Variants in RAP1GDS1 observed in about 807,000 individuals in gnomAD.
RAP1GDS1 encodes RAP1, GTP-GDP dissociation stimulator 1.
RAP1GDS1 carries 35 observed loss-of-function variants against 71.1 expected under a neutral mutation model. The ratio of observed to expected loss-of-function variants is 0.49; its 90% CI spans 0.38 to 0.65. The LOEUF (loss-of-function observed/expected upper bound fraction) is 0.65. Among genes scored for constraint, RAP1GDS1 ranks in the 30% least tolerant of loss-of-function variants. The pLI is 0.00. For synonymous variants in RAP1GDS1, 229 were observed against 243.1 expected, an observed-to-expected ratio of 0.94 and a Z score of 0.54; for missense variants, 663 against 706.1, an observed-to-expected ratio of 0.94 and a Z score of 0.69.
chr4:98,366,402 T>C (rs528991421), intron 4 of RAP1GDS1, among the ~76,000 whole-genome samples: 10 of 152,292 alleles, frequency 6.6e-5, no homozygotes, highest in Admixed American at 3.3e-4. Context: ...CTTTTGTAAA[T>C]TGCTCAGTCT....
rs137928033 is a variant in RAP1GDS1 at position 98,363,255 on chromosome 4, A to G, written c.361+10654A>G. ...GTAATCCCAGAATTTTGGGATGGCA[A>G]GGCTCAAGGGCTGCTTGAGGCCAGG... On this transcript the variant is annotated intron_variant, in intron 4 of 14. Transcript: ENST00000408927. 3.0e-3 allele frequency among the ~76,000 whole-genome samples: 450 copies of G among 152,128 alleles called. 1 individual carries two copies. Among genetic ancestry groups the G allele is most frequent in the Non-Finnish European group, 5.6e-3 (379 of 67,998 alleles).
Position 98,443,025 on chromosome 4 carries a change from T to TTTTTTC in RAP1GDS1, c.*913_*914insCTTTTT, listed in dbSNP as rs1752079606. ...TCATTGAAGAATGGAATTTTTTTTTTTTTTTTTTTTTTTGCTGTTTTTCAT... is the reference window on the plus strand; with the variant it reads ...TCATTGAAGAATGGAATTTTTTTTTTTTTTTCTTTTTTTTTTTTTGCTGTTTTTCAT... On this transcript the variant is annotated 3_prime_UTR_variant, in exon 15 of 15. Transcript: ENST00000408927. The TTTTTTC allele has an allele frequency of 5.8e-6, 1 of 172,674 alleles. No individual in the cohort carries two copies. Among genetic ancestry groups the TTTTTTC allele is most frequent in the African/African-American group, 4.2e-5 (1 of 23,576 alleles). 10.7% of individuals were successfully genotyped at this position (172,674 alleles called of 1,614,324 possible).
intron 14 of RAP1GDS1, among the ~76,000 whole-genome samples, chr4:98,437,649 C>A (rs932164588): frequency 2.6e-5 from 4 of 151,882 alleles, no homozygotes; most frequent in Non-Finnish European, 5.9e-5. Context: ...AAAAATTAGC[C>A]GGGAGTGGTG....
At chr4:98,336,734 A>T (rs976478519) in intron 2 of RAP1GDS1, among the ~76,000 whole-genome samples, 3 of 150,710 alleles carry the variant, frequency 2.0e-5, no homozygotes, top group Non-Finnish European at 4.4e-5. Flanking sequence ...AAGAATTGCC[A>T]TTTTTTTTTA....
chr4:98,330,518 G>A (rs929292210), intron 2 of RAP1GDS1, among the ~76,000 whole-genome samples: 11 of 148,656 alleles, frequency 7.4e-5, no homozygotes, highest in East Asian at 2.0e-4. Flanking sequence ...GGTGGTGGCC[G>A]GGTAAAGGCG....
chr4:98,343,023 C>A, intron 2 of RAP1GDS1, 116 bp from the exon 3 acceptor site: 4 of 1,122,626 alleles, frequency 3.6e-6, no homozygotes, highest in Non-Finnish European at 4.9e-6. Context: ...GAATGTATAC[C>A]GAAACTAATT....
At chr4:98,280,136 G>T (rs1433937237) in intron 1 of RAP1GDS1, among the ~76,000 whole-genome samples, 1 of 152,186 alleles carries the variant, frequency 6.6e-6, no homozygotes, top group Non-Finnish European at 1.5e-5. Context: ...TAATGGGATT[G>T]CTGGGTCAAA....
chr4:98,270,132 G>A lies in RAP1GDS1; in HGVS notation c.4+8563G>A, dbSNP rs1017291432. Among the ~76,000 whole-genome samples, 40 of 152,182 alleles carry A rather than the reference G, an allele frequency of 2.6e-4. 1 individual carries two copies. The highest frequency in any genetic ancestry group is 9.1e-4 in the African/African-American group (38 of 41,542). On this transcript the variant is annotated intron_variant, in intron 1 of 14. Transcript: ENST00000408927. ...GCCCTCACACAACAGAAAAGCAAAA[G>A]AGAAAATCCACTCTGGTAAGCTCTT...
Position 98,335,963 on chromosome 4 carries a change from A to G in RAP1GDS1, c.113-7176A>G, listed in dbSNP as rs557436861. The stretch of plus-strand genomic sequence containing the variant: ...GTGACTTACTTGATAAACAGTGTAT[A>G]CTCCTATTGGCTCACAGTAAACATT... On this transcript the variant is annotated intron_variant, in intron 2 of 14. Coordinates refer to ENST00000408927, the MANE Select transcript of RAP1GDS1 (RefSeq NM_001100427.2). Among the ~76,000 whole-genome samples the G allele has an allele frequency of 2.6e-5, 4 of 152,218 alleles. No homozygotes were observed. The South Asian group carries it at 6.2e-4, about 24-fold the overall frequency.
In RAP1GDS1 at chr4:98,312,910, G is replaced by A. The variant is rs192728937; in HGVS notation, c.112+19395G>A. ...TGGGGAAACCCCGTCTCTAGTAAAA[G>A]TACAAAAAATTAGTCGGGCGAGGTG... On this transcript the variant is annotated intron_variant, in intron 2 of 14. Coordinates refer to ENST00000408927, the MANE Select transcript of RAP1GDS1 (RefSeq NM_001100427.2). Among the ~76,000 whole-genome samples the A allele has an allele frequency of 5.0e-3, 749 of 151,174 alleles. 6 individuals carry two copies. Among genetic ancestry groups the A allele is most frequent in the South Asian group, 0.018 (85 of 4,772 alleles).
At chr4:98,361,054 G>A (rs2110441445) in intron 4 of RAP1GDS1, among the ~76,000 whole-genome samples, 1 of 149,450 alleles carries the variant, frequency 6.7e-6, no homozygotes. Context: ...TCCAGCCTAG[G>A]TGACGGAGTG....
chr4:98,261,411 T>G lies in RAP1GDS1; in HGVS notation c.-155T>G. 1 of 307,838 alleles carries G rather than the reference T, an allele frequency of 3.2e-6. No individual in the cohort carries two copies. 19.1% of individuals were successfully genotyped at this position (307,838 alleles called of 1,614,324 possible). A position where few individuals can be genotyped will look rare whatever the true frequency, so the allele number is the denominator to read the frequency against. ...TCGTCCCCGCCGCGGCCGCGCCGCC[T>G]GCAGCAGCACCAGCTGCTCCTCCCC... is the stretch of plus-strand genomic sequence containing the variant. On this transcript the variant is annotated 5_prime_UTR_variant, in exon 1 of 15. Coordinates refer to ENST00000408927, the MANE Select transcript of RAP1GDS1 (RefSeq NM_001100427.2).
At chr4:98,302,710 A>G (rs1232306479) in intron 2 of RAP1GDS1, among the ~76,000 whole-genome samples, 1 of 152,164 alleles carries the variant, frequency 6.6e-6, no homozygotes, top group Non-Finnish European at 1.5e-5. Flanking sequence ...ACAAATACAG[A>G]GGAAAAAATC....
chr4:98,262,247 A>G (rs531425590), intron 1 of RAP1GDS1, among the ~76,000 whole-genome samples: 3 of 152,200 alleles, frequency 2.0e-5, no homozygotes, highest in East Asian at 1.9e-4. Context: ...TGCCCAGCCT[A>G]TTTTCTGGAT....
chr4:98,440,156 A>C (rs574493491), intron 14 of RAP1GDS1, among the ~76,000 whole-genome samples: 1 of 152,332 alleles, frequency 6.6e-6, no homozygotes, highest in South Asian at 2.1e-4. Flanking sequence ...TAGGCGTGTC[A>C]GAATTTCATT....
At chr4:98,409,747 A>G (rs1197757539) in intron 7 of RAP1GDS1, 3 of 477,998 alleles carry the variant, frequency 6.3e-6, no homozygotes, top group South Asian at 1.7e-5. Flanking sequence ...CCTCTTCCCT[A>G]TGAATTCATG....
intron 7 of RAP1GDS1, among the ~76,000 whole-genome samples, chr4:98,415,924 TTTAA>T (rs2110180929): frequency 6.6e-6 from 1 of 152,302 alleles, no homozygotes; most frequent in African/African-American, 2.4e-5. Context: ...TATTTATTTA[TTTAA>T]TTTTTATAGA....
chr4:98,293,373 G>A (rs1727247151), intron 1 of RAP1GDS1, 35 bp from the exon 2 acceptor site: 1 of 1,410,284 alleles, frequency 7.1e-7, no homozygotes. Flanking sequence ...GTGGTCATAA[G>A]GTTGAGTTTC....
chr4:98,393,463 C>A (rs907398578), intron 6 of RAP1GDS1, among the ~76,000 whole-genome samples: 15 of 152,068 alleles, frequency 9.9e-5, no homozygotes, highest in African/African-American at 3.6e-4. Context: ...CAAAGTTATT[C>A]TTTTCCGTGA....
Sources: allele counts gnomAD v4.1 joint callset (sites outside exome capture counted in the v4.1 genomes callset), GRCh38; gene constraint gnomAD v4.1.1; transcripts MANE v1.5; gene names NCBI Gene and HGNC (gene_info 2026-07-23, HGNC 2026-07-21).